The following BCAS3 variants were observed in gnomAD, a reference collection of about 807,000 sequenced individuals.
The protein encoded by BCAS3 is BCAS4/BCAS3 fusion.
A neutral mutation model predicts 116.1 loss-of-function variants in BCAS3; 53 were observed. The ratio of observed to expected loss-of-function variants is 0.46; its 90% CI spans 0.37 to 0.57. BCAS3 has a LOEUF of 0.57. Among genes scored for constraint, BCAS3 ranks in the 20% least tolerant of loss-of-function variants. The probability of loss-of-function intolerance (pLI) is 0.00; values close to 1 mark genes in which losing one functional copy is unlikely to be tolerated. For missense variants in BCAS3, 917 were observed against 1,165.4 expected, an observed-to-expected ratio of 0.79 and a Z score of 3.10; for synonymous variants, 391 against 408.2, an observed-to-expected ratio of 0.96 and a Z score of 0.51.
Position 61,028,326 on chromosome 17 carries a change from A to G in BCAS3, c.1638-6340A>G, listed in dbSNP as rs769942903. ...TTGCAAAACTATTCTAAACAAATTC[A>G]GGATATACAAGAATATAAATCTCAT... On this transcript the variant is annotated intron_variant, in intron 16 of 23. Transcript: ENST00000407086. This position sits in a 1 kb window ranked among gnomAD's most constrained non-coding sequence, Gnocchi z 4.3. Among the ~76,000 whole-genome samples the G allele has an allele frequency of 2.6e-5, 4 of 151,902 alleles. No homozygotes were observed. Among genetic ancestry groups the G allele is most frequent in the East Asian group, 1.9e-4 (1 of 5,200 alleles).
chr17:61,021,887 G>A lies in BCAS3; in HGVS notation c.1637+5986G>A, dbSNP rs1221219421. Among the ~76,000 whole-genome samples the A allele has an allele frequency of 6.6e-6, 1 of 151,998 alleles. No homozygotes were observed. The highest frequency in any genetic ancestry group is 1.5e-5 in the Non-Finnish European group (1 of 68,008). ...CACCTTGGCTCAGTTACACAGTTTG[G>A]CCTGAGCCTTAAACTTTATAGGCAA... On this transcript the variant is annotated intron_variant, in intron 16 of 23. Transcript: ENST00000407086. This position sits in a 1 kb window ranked among gnomAD's most constrained non-coding sequence, Gnocchi z 4.6.
In BCAS3 at chr17:61,388,477, C is replaced by A; in HGVS notation, c.2594-3500C>A. The A allele has an allele frequency of 1.4e-6, 1 of 720,616 alleles. No individual in the cohort carries two copies. The highest frequency in any genetic ancestry group is 2.8e-5 in the East Asian group (1 of 36,036). 44.6% of individuals were successfully genotyped at this position (720,616 alleles called of 1,614,324 possible). A position where few individuals can be genotyped will look rare whatever the true frequency, so the allele number is the denominator to read the frequency against. ...CCTACACATGCATGTCACTGTCCTC[C>A]TTGACTGCAAACTCCCCCTCCTCAC... On this transcript the variant is annotated intron_variant, in intron 23 of 23. Transcript: ENST00000407086. The surrounding 1 kb of genome is among the most constrained non-coding windows in gnomAD (Gnocchi z 6.5).
At chr17:60,788,785 CATA>C in intron 6 of BCAS3, among the ~76,000 whole-genome samples, 1 of 152,146 alleles carries the variant, frequency 6.6e-6, no homozygotes, top group Non-Finnish European at 1.5e-5. Context: ...TTATTCAATT[CATA>C]ATGATTATTT....
At chr17:61,040,011 A>T (rs2067377219) in intron 18 of BCAS3, among the ~76,000 whole-genome samples, 1 of 152,212 alleles carries the variant, frequency 6.6e-6, no homozygotes, top group Non-Finnish European at 1.5e-5. Flanking sequence ...GTGCATAATG[A>T]TTAGAATCTT....
At chr17:60,684,568 A>G (rs972241470) in intron 3 of BCAS3, among the ~76,000 whole-genome samples, 5 of 152,050 alleles carry the variant, frequency 3.3e-5, no homozygotes, top group Middle Eastern at 3.2e-3. Flanking sequence ...ATTATCTAGT[A>G]TACTATTGCC....
intron 7 of BCAS3, among the ~76,000 whole-genome samples, chr17:60,844,509 CTGTTT>C (rs2052311987): frequency 6.6e-6 from 1 of 152,082 alleles, no homozygotes; most frequent in Non-Finnish European, 1.5e-5. Flanking sequence ...TTCAGTTTTT[CTGTTT>C]TGTTTTTTTT....
intron 7 of BCAS3, among the ~76,000 whole-genome samples, chr17:60,814,910 G>T (rs1203104294): frequency 1.3e-5 from 2 of 152,058 alleles, no homozygotes; most frequent in Non-Finnish European, 2.9e-5. Context: ...CAAGGATCTA[G>T]AACTAGAAAT....
chr17:61,076,427 A>C (rs2071993592), intron 20 of BCAS3, among the ~76,000 whole-genome samples: 1 of 152,186 alleles, frequency 6.6e-6, no homozygotes, highest in Non-Finnish European at 1.5e-5. Context: ...AAAAATATTC[A>C]CAGGAAGTTC....
rs1044935197 is a variant in BCAS3 at position 61,392,223 on chromosome 17, C to T, written c.*98C>T. 7.2e-7 allele frequency: 1 copy of T among 1,388,584 alleles called. No homozygotes were observed. The highest frequency in any genetic ancestry group is 9.8e-7 in the Non-Finnish European group (1 of 1,022,242). 86.0% of individuals were successfully genotyped at this position (1,388,584 alleles called of 1,614,324 possible). A position where few individuals can be genotyped will look rare whatever the true frequency, so the allele number is the denominator to read the frequency against. ...TACCCTTCAGTCTCTGCTCTTCCTT[C>T]ATCAACCACCTTCCCCAAGCTTAGT... On this transcript the variant is annotated 3_prime_UTR_variant, in exon 24 of 24. Coordinates refer to ENST00000407086, the MANE Select transcript of BCAS3 (RefSeq NM_017679.5). This position sits in a 1 kb window ranked among gnomAD's most constrained non-coding sequence, Gnocchi z 6.4.
chr17:61,045,989 T>TTA (rs1183653198), intron 19 of BCAS3, among the ~76,000 whole-genome samples: 1 of 9,564 alleles, frequency 1.0e-4, no homozygotes, highest in Non-Finnish European at 1.3e-4. Flanking sequence ...ATATATATAT[T>TTA]TATATATATA....
At chr17:61,153,448 A>G (rs1470141159) in intron 22 of BCAS3, among the ~76,000 whole-genome samples, 1 of 152,164 alleles carries the variant, frequency 6.6e-6, no homozygotes, top group Non-Finnish European at 1.5e-5. Flanking sequence ...TGTTTTTACT[A>G]TGAATATCAG....
At chr17:60,683,241 A>G (rs555426400) in intron 2 of BCAS3, among the ~76,000 whole-genome samples, 2 of 152,294 alleles carry the variant, frequency 1.3e-5, no homozygotes. Context: ...AGGTCACTAG[A>G]TAGTGAGTCA....
At chr17:61,107,155 C>T (rs1436855747) in intron 22 of BCAS3, among the ~76,000 whole-genome samples, 2 of 132,188 alleles carry the variant, frequency 1.5e-5, no homozygotes, top group African/African-American at 2.8e-5. Context: ...GGTGTGATCT[C>T]GGCTCACTAC....
intron 14 of BCAS3, among the ~76,000 whole-genome samples, chr17:60,978,466 A>G (rs55826623): frequency 0.12 from 16,786 of 141,536 alleles, 3,558 homozygotes; most frequent in African/African-American, 0.46. Context: ...TGTTCACTCT[A>G]ATGGTAGTTT....
intron 22 of BCAS3, among the ~76,000 whole-genome samples, chr17:61,274,685 G>A (rs1486869091): frequency 6.6e-6 from 1 of 152,060 alleles, no homozygotes; most frequent in Non-Finnish European, 1.5e-5. Context: ...CTAAGATCAG[G>A]AACACAGCAA....
rs889186830 is a variant in BCAS3, at chr17:61,029,659, A to G, written c.1638-5007A>G. ...TTGAATTGCTTATCAAAAAACATAC[A>G]TGACAGGTAGACAATGGGTAGTCCA... On this transcript the variant is annotated intron_variant, in intron 16 of 23. Transcript: ENST00000407086. This position sits in a 1 kb window ranked among gnomAD's most constrained non-coding sequence, Gnocchi z 5.2. 6.6e-6 allele frequency among the ~76,000 whole-genome samples: 1 copy of G among 152,026 alleles called. No homozygotes were observed. The highest frequency in any genetic ancestry group is 1.5e-5 in the Non-Finnish European group (1 of 67,916).
At position 61,140,887 on chromosome 17, in the gene BCAS3, G is replaced by GA. The variant is rs1402326495; in HGVS notation, c.2425+56328dup. Among the ~76,000 whole-genome samples, 1 of 151,924 alleles carries GA rather than the reference G, an allele frequency of 6.6e-6. No homozygotes were observed. The highest frequency in any genetic ancestry group is 1.9e-4 in the East Asian group (1 of 5,196). ...TCTTGTACTAATCTGCAAGTATCCT[G>GA]AAAAATGTTAAGTAAGGAAAAAGCA... On this transcript the variant is annotated intron_variant, in intron 22 of 23. Transcript: ENST00000407086. The surrounding 1 kb of genome is among the most constrained non-coding windows in gnomAD (Gnocchi z 4.2).
At chr17:60,709,871 C>G (rs1053448907) in intron 5 of BCAS3, among the ~76,000 whole-genome samples, 1 of 152,178 alleles carries the variant, frequency 6.6e-6, no homozygotes, top group Non-Finnish European at 1.5e-5. Context: ...GAAGAAGAGG[C>G]ATGGGAGCAG....
intron 7 of BCAS3, chr17:60,811,472 A>C (rs1405337828): frequency 5.4e-6 from 3 of 550,662 alleles, no homozygotes; most frequent in Non-Finnish European, 1.0e-5. Flanking sequence ...AGCCAGCAGA[A>C]GCAGTGTACC....
Sources: allele counts gnomAD v4.1 joint callset (sites outside exome capture counted in the v4.1 genomes callset), GRCh38; gene constraint gnomAD v4.1.1; non-coding constraint Gnocchi (gnomAD v3.1); transcripts MANE v1.5; gene names NCBI Gene and HGNC (gene_info 2026-07-23, HGNC 2026-07-21).